The following SLC67A1 variants were observed in gnomAD, a reference collection of about 807,000 sequenced individuals.
SLC67A1 encodes the protein solute carrier family 67 member 1.
At chr11:2,921,240 A>AT in the SLC67A1 span, 1 of 151,912 alleles carries the variant, frequency 6.6e-6, no homozygotes, top group African/African-American at 2.4e-5. Context: ...CAAAAAAAAA[A>AT]AAAAAAAAGG....
chr11:2,909,446 C>T, the SLC67A1 span: 24 of 1,335,422 alleles, frequency 1.8e-5, no homozygotes, highest in South Asian at 3.3e-4. Flanking sequence ...TCTGCGTGCG[C>T]GCGGGGTCTG....
At chr11:2,915,861 G>A in the SLC67A1 span, among the ~76,000 whole-genome samples, 1 of 152,216 alleles carries the variant, frequency 6.6e-6, no homozygotes, top group Non-Finnish European at 1.5e-5. Flanking sequence ...CCAGCTTCAG[G>A]TGCCTCCGTC....
the SLC67A1 span, chr11:2,918,924 G>C: frequency 2.5e-5 from 5 of 202,058 alleles, no homozygotes; most frequent in Non-Finnish European, 5.4e-5. Flanking sequence ...CAAACTCCTG[G>C]CCTCAATCAG....
the SLC67A1 span, chr11:2,921,113 C>T: frequency 1.3e-5 from 2 of 151,270 alleles, no homozygotes; most frequent in Non-Finnish European, 2.9e-5. Context: ...CACCTGTAGT[C>T]CCAGCTACTC....
At chr11:2,904,289 C>T in the SLC67A1 span, among the ~76,000 whole-genome samples, 1 of 152,206 alleles carries the variant, frequency 6.6e-6, no homozygotes, top group South Asian at 2.1e-4. Context: ...GCCCTCAGAG[C>T]CTGGACCTGG....
the SLC67A1 span, among the ~76,000 whole-genome samples, chr11:2,905,985 G>A: frequency 6.6e-6 from 1 of 152,340 alleles, no homozygotes; most frequent in East Asian, 1.9e-4. Flanking sequence ...AGGTTGGGAT[G>A]TGACGCAGGC....
At chr11:2,911,767 A>G in the SLC67A1 span, among the ~76,000 whole-genome samples, 1 of 152,084 alleles carries the variant, frequency 6.6e-6, no homozygotes, top group African/African-American at 2.4e-5. Context: ...CTCAGCACAC[A>G]TGCCTCCTGC....
At chr11:2,908,768 A>G in the SLC67A1 span, among the ~76,000 whole-genome samples, 1 of 152,204 alleles carries the variant, frequency 6.6e-6, no homozygotes, top group Non-Finnish European at 1.5e-5. Context: ...AGCAACCCGT[A>G]GGCAGAAATG....
At chr11:2,912,177 G>T in the SLC67A1 span, among the ~76,000 whole-genome samples, 56 of 152,236 alleles carry the variant, frequency 3.7e-4, 1 homozygote, top group African/African-American at 1.3e-3. Context: ...AAAGCTGGCT[G>T]CCCAGAGTGG....
the SLC67A1 span, chr11:2,916,997 T>TGC: frequency 1.9e-6 from 1 of 534,078 alleles, no homozygotes; most frequent in Non-Finnish European, 3.4e-6. Flanking sequence ...AGGGAAGGCG[T>TGC]TAGGAGGGGA....
At chr11:2,919,918 G>A in the SLC67A1 span, 1,894 of 152,920 alleles carry the variant, frequency 0.012, 27 homozygotes, top group African/African-American at 0.04. Context: ...TGGCAGCTCC[G>A]ATGCGGCAGG....
chr11:2,911,903 C>T, the SLC67A1 span, among the ~76,000 whole-genome samples: 1 of 152,234 alleles, frequency 6.6e-6, no homozygotes, highest in South Asian at 2.1e-4. Context: ...ACGGCCTCTA[C>T]CTCTGCCCAC....
the SLC67A1 span, among the ~76,000 whole-genome samples, chr11:2,912,006 G>GT: frequency 6.6e-6 from 1 of 152,220 alleles, no homozygotes; most frequent in South Asian, 2.1e-4. Flanking sequence ...CAGACCAGCT[G>GT]TGACATTTCC....
the SLC67A1 span, among the ~76,000 whole-genome samples, chr11:2,910,544 A>G: frequency 6.6e-6 from 1 of 151,796 alleles, no homozygotes; most frequent in Non-Finnish European, 1.5e-5. Flanking sequence ...TGGAGGGAGG[A>G]AGAAGGGGCA....
the SLC67A1 span, among the ~76,000 whole-genome samples, chr11:2,924,192 G>A: frequency 6.6e-6 from 1 of 152,254 alleles, no homozygotes; most frequent in East Asian, 1.9e-4. This position sits in a 1 kb window ranked among gnomAD's most constrained non-coding sequence, Gnocchi z 8.6. Flanking sequence ...GGCCACAGGG[G>A]CGTGGAGATG....
At chr11:2,909,638 G>A in the SLC67A1 span, 42 of 1,534,964 alleles carry the variant, frequency 2.7e-5, no homozygotes, top group Admixed American at 1.6e-4. Flanking sequence ...GCCCTGGGCC[G>A]GCTGGGCCTC....
the SLC67A1 span, among the ~76,000 whole-genome samples, chr11:2,901,472 G>A: frequency 2.0e-5 from 3 of 152,254 alleles, no homozygotes; most frequent in African/African-American, 7.2e-5. Flanking sequence ...CCTTGCCTGG[G>A]GAGGAGGTGG....
chr11:2,925,223 T>C, the SLC67A1 span: 1 of 1,602,588 alleles, frequency 6.2e-7, no homozygotes, highest in Non-Finnish European at 8.5e-7. This position sits in a 1 kb window ranked among gnomAD's most constrained non-coding sequence, Gnocchi z 6.5. Flanking sequence ...AGACTGGCAA[T>C]AAACTCCTAC....
At chr11:2,915,362 G>T in the SLC67A1 span, 1 of 502,212 alleles carries the variant, frequency 2.0e-6, no homozygotes, top group Non-Finnish European at 2.6e-6. Flanking sequence ...GTGGGGACAT[G>T]GTGGCCTGTG....
Sources: gnomAD v4.1 joint callset for allele counts (sites outside exome capture counted in the v4.1 genomes callset) on GRCh38, gnomAD v4.1.1 for gene constraint, Gnocchi (gnomAD v3.1) non-coding constraint, MANE v1.5 for transcripts, NCBI Gene and HGNC (gene_info 2026-07-23, HGNC 2026-07-21) for gene names.